The following SLC38A5 variants were observed in gnomAD, a reference collection of about 807,000 sequenced individuals.
SLC38A5 encodes sodium-coupled neutral amino acid transporter 5.
A neutral mutation model predicts 34.6 loss-of-function variants in SLC38A5; 9 were observed. The ratio of observed to expected loss-of-function variants is 0.26; its 90% CI spans 0.16 to 0.45. The LOEUF (loss-of-function observed/expected upper bound fraction) is 0.45. Ranked by LOEUF, SLC38A5 falls within the 20% of genes least tolerant of loss-of-function variation. The probability of loss-of-function intolerance (pLI) is 1.00; values close to 1 mark genes in which losing one functional copy is unlikely to be tolerated. For missense variants in SLC38A5, 253 were observed against 394.7 expected (o/e 0.64, Z 3.04); for synonymous variants, 157 against 155.6 (o/e 1.01, Z -0.07).
In SLC38A5 at chrX:48,462,149, G is replaced by C; in HGVS notation, c.634-5C>G. The C allele has an allele frequency of 8.3e-7, 1 of 1,209,055 alleles. No individual in the cohort carries two copies. Among genetic ancestry groups the C allele is most frequent in the Non-Finnish European group, 1.1e-6 (1 of 893,551 alleles). The stretch of plus-strand genomic sequence containing the variant: ...TTGGAACTTCTTGTAGATGACCTGA[G>C]GATGGGGGCAGCAGGGAAGCCAGGT... On this transcript the variant is annotated splice_region_variant and splice_polypyrimidine_tract_variant and intron_variant, in intron 10 of 16. Coordinates refer to ENST00000620913, the MANE Select transcript of SLC38A5 (RefSeq NM_033518.4).
At chrX:48,461,976 G>T (rs373627394) in intron 11 of SLC38A5, 31 bp downstream of exon 11, 14 of 1,145,416 alleles carry the variant, frequency 1.2e-5, no homozygotes, top group Non-Finnish European at 1.6e-5. Context: ...GCCTGAGTGT[G>T]ATGCAATCTC....
At chrX:48,460,946 C>A (rs1170761324) in intron 13 of SLC38A5, 40 bp downstream of exon 13, 1 of 1,089,174 alleles carries the variant, frequency 9.2e-7, no homozygotes, top group South Asian at 2.0e-5. Flanking sequence ...CTGCCCCAGG[C>A]CTTCCCCCTC....
chrX:48,468,339 C>T (rs934004909), intron 2 of SLC38A5: 2 of 782,295 alleles, frequency 2.6e-6, no homozygotes, highest in Non-Finnish European at 3.0e-6. Context: ...TTTCATTCCC[C>T]GGTCCCCCGC....
chrX:48,466,734 G>A (rs922987924), intron 6 of SLC38A5, 65 bp downstream of exon 6: 3 of 1,080,234 alleles, frequency 2.8e-6, no homozygotes, highest in Non-Finnish European at 3.8e-6. Flanking sequence ...AGCTCTGGAT[G>A]TGGCTCCAGA....
chrX:48,461,129 G>A, intron 12 of SLC38A5, 43 bp from the exon 13 acceptor site: 1 of 1,106,697 alleles, frequency 9.0e-7, no homozygotes, highest in Non-Finnish European at 1.2e-6. Context: ...CAGACCCTGA[G>A]ACTTGCCCCA....
At chrX:48,459,337 C>G (rs924066765) in intron 16 of SLC38A5, 199 bp downstream of exon 16, 1 of 440,793 alleles carries the variant, frequency 2.3e-6, no homozygotes, top group African/African-American at 2.5e-5. Context: ...TTTGAGTGCT[C>G]CCTGTCTTCC....
intron 14 of SLC38A5, 36 bp downstream of exon 14, chrX:48,460,613 C>A (rs999184187): frequency 1.5e-5 from 18 of 1,168,859 alleles, no homozygotes; most frequent in Non-Finnish European, 2.1e-5. Context: ...CTCTACCCAT[C>A]CATCCATGTC....
chrX:48,466,144 C>T, intron 7 of SLC38A5, 51 bp from the exon 8 acceptor site: 2 of 1,152,162 alleles, frequency 1.7e-6, no homozygotes, highest in Non-Finnish European at 2.3e-6. Context: ...CATGCCCCCA[C>T]CCCGTCTTCC....
rs192827612 is a variant in SLC38A5, at chrX:48,461,959, C to T, written c.771+48G>A. The stretch of plus-strand genomic sequence containing the variant: ...GAGCAGGATGCACCATATGACAGAA[C>T]CAGAGGGCCTGAGTGTGATGCAATC... On this transcript the variant is annotated intron_variant, in intron 11 of 16. Coordinates refer to ENST00000620913, the MANE Select transcript of SLC38A5 (RefSeq NM_033518.4). 101 of 1,138,271 alleles carry T rather than the reference C, an allele frequency of 8.9e-5. No homozygotes were observed. In the African/African-American group the frequency reaches 1.4e-3, roughly 16 times the overall value. 93.8% of individuals were successfully genotyped at this position (1,138,271 alleles called of 1,213,427 possible).
Position 48,467,775 on chromosome X carries a change from C to G in SLC38A5, c.64G>C (p.Glu22Gln), listed in dbSNP as rs781971600. 8.3e-7 allele frequency: 1 copy of G among 1,208,360 alleles called. No individual in the cohort carries two copies. Among genetic ancestry groups the G allele is most frequent in the South Asian group, 1.8e-5 (1 of 56,247 alleles). Residue 22 changes from glutamate (E) to glutamine (Q), a missense_variant, in exon 4 of 17, where the codon GAA becomes CAA. Physicochemically the swap from Glu to Gln is conservative, Grantham distance 29 (BLOSUM62 2). Transcript: ENST00000620913. ...CGACTGGGCAGGAAGCCCTCACGTTCTTGCCTGTAGCTGGATAGGGCAGGG... is the reference window on the plus strand; with the variant it reads ...CGACTGGGCAGGAAGCCCTCACGTTGTTGCCTGTAGCTGGATAGGGCAGGG... ...LPSDAVGYRQEREGFLPSRGP... is the reference protein window; with the variant it reads ...LPSDAVGYRQQREGFLPSRGP...
intron 13 of SLC38A5, 64 bp downstream of exon 13, chrX:48,460,922 G>A: frequency 9.5e-7 from 1 of 1,052,799 alleles, no homozygotes; most frequent in Non-Finnish European, 1.3e-6. Context: ...CAGAAGGAAA[G>A]AGCTCAGAGG....
chrX:48,459,988 C>T, intron 14 of SLC38A5, 112 bp from the exon 15 acceptor site: 1 of 994,434 alleles, frequency 1.0e-6, no homozygotes, highest in Non-Finnish European at 1.3e-6. Context: ...TTTCCCCTCC[C>T]TCTGACTATC....
intron 6 of SLC38A5, 38 bp downstream of exon 6, chrX:48,466,761 G>A (rs781862613): frequency 4.1e-5 from 47 of 1,153,257 alleles, no homozygotes; most frequent in Non-Finnish European, 5.2e-5. Context: ...GGTCCAAAGG[G>A]GTGGAGTGGG....
intron 1 of SLC38A5, 150 bp downstream of exon 1, chrX:48,470,031 GA>G (rs1465421731): frequency 1.8e-5 from 2 of 112,440 alleles, no homozygotes; most frequent in Non-Finnish European, 3.7e-5. Context: ...CACCAGCTCA[GA>G]GAGATGAAGG....
At chrX:48,463,945 A>C (rs2061458261) in intron 8 of SLC38A5, among the ~76,000 whole-genome samples, 1 of 111,770 alleles carries the variant, frequency 8.9e-6, no homozygotes, top group Admixed American at 9.5e-5. Flanking sequence ...AGTGCAACAC[A>C]AGGTGCCAGA....
At chrX:48,467,650 G>A in intron 4 of SLC38A5, 60 bp downstream of exon 4, 4 of 1,101,110 alleles carry the variant, frequency 3.6e-6, no homozygotes, top group African/African-American at 1.8e-5. Context: ...AGAGGGAGCA[G>A]TGCGGGAGGA....
intron 2 of SLC38A5, chrX:48,468,444 A>C: frequency 1.3e-6 from 1 of 748,664 alleles, no homozygotes; most frequent in Non-Finnish European, 1.6e-6. Context: ...ACCCCTCCTA[A>C]TGCCCTCACC....
chrX:48,462,159 A>G lies in SLC38A5; in HGVS notation c.634-15T>C, dbSNP rs1170740028. On this transcript the variant is annotated splice_polypyrimidine_tract_variant and intron_variant, in intron 10 of 16. Coordinates refer to ENST00000620913, the MANE Select transcript of SLC38A5 (RefSeq NM_033518.4). ...TTGTAGATGACCTGAGGATGGGGGCAGCAGGGAAGCCAGGTCATGGAGGAA... is the reference window on the plus strand; with the variant it reads ...TTGTAGATGACCTGAGGATGGGGGCGGCAGGGAAGCCAGGTCATGGAGGAA... The G allele has an allele frequency of 5.8e-6, 7 of 1,208,295 alleles. No homozygotes were observed. Among genetic ancestry groups the G allele is most frequent in the Non-Finnish European group, 7.8e-6 (7 of 894,053 alleles).
chrX:48,459,470 T>A, intron 16 of SLC38A5, 66 bp downstream of exon 16: 1 of 953,733 alleles, frequency 1.0e-6, no homozygotes, highest in East Asian at 3.5e-5. Context: ...CCTCCAGCCA[T>A]CCTGGAGTGA....
Sources: allele counts gnomAD v4.1 joint callset (sites outside exome capture counted in the v4.1 genomes callset), GRCh38; gene constraint gnomAD v4.1.1; transcripts MANE v1.5; gene names NCBI Gene and HGNC (gene_info 2026-07-23, HGNC 2026-07-21).